TBCD: variants seen among roughly 807,000 people sequenced by gnomAD.
TBCD encodes tubulin-specific chaperone D.
TBCD carries 105 observed loss-of-function variants against 169.3 expected under a neutral mutation model. The ratio of observed to expected loss-of-function variants is 0.62; its 90% CI spans 0.53 to 0.73. The LOEUF (loss-of-function observed/expected upper bound fraction) is 0.73. TBCD is among the 30% of genes least tolerant of loss of function. The pLI, the probability that TBCD is intolerant of heterozygous loss-of-function variation, is 0.00. For missense variants in TBCD, 1,444 were observed against 1,600.1 expected (o/e 0.90, Z 1.66); for synonymous variants, 700 against 643.9 (o/e 1.09, Z -1.32).
In TBCD at chr17:82,923,326, G is replaced by T. The variant is rs1871397111; in HGVS notation, c.2179-326G>T. ...CTGACAGATGATGGTGAGCAGGCGTGCTGGAAAGGAGTAGCATGACTTAGG... is the reference window on the plus strand; with the variant it reads ...CTGACAGATGATGGTGAGCAGGCGTTCTGGAAAGGAGTAGCATGACTTAGG... On this transcript the variant is annotated intron_variant, in intron 25 of 38. Coordinates refer to ENST00000355528, the MANE Select transcript of TBCD (RefSeq NM_005993.5). This position sits in a 1 kb window ranked among gnomAD's most constrained non-coding sequence, Gnocchi z 4.6. Among the ~76,000 whole-genome samples, 1 of 152,250 alleles carries T rather than the reference G, an allele frequency of 6.6e-6. No individual in the cohort carries two copies.
intron 38 of TBCD, 59 bp from the exon 39 acceptor site, chr17:82,942,390 G>T: frequency 6.2e-7 from 1 of 1,612,294 alleles, no homozygotes; most frequent in Non-Finnish European, 8.5e-7. Context: ...AGGGTCCCCT[G>T]GCTGGGAATG....
At chr17:82,928,192 ATCC>A (rs978170026) in intron 30 of TBCD, among the ~76,000 whole-genome samples, 1 of 152,074 alleles carries the variant, frequency 6.6e-6, no homozygotes, top group Non-Finnish European at 1.5e-5. Context: ...GCTGGGGCCC[ATCC>A]TCCTCTGCCC....
Position 82,807,054 on chromosome 17 carries a change from T to C in TBCD, c.1088-554T>C, listed in dbSNP as rs544826530. The stretch of plus-strand genomic sequence containing the variant: ...CCTCCCCTGTGGTCACTCAGCGAGC[T>C]TGTCCATCAGGGTCTTCCCAGGGCT... On this transcript the variant is annotated intron_variant, in intron 10 of 38. Transcript: ENST00000355528. Among the ~76,000 whole-genome samples, 5 of 152,334 alleles carry C rather than the reference T, an allele frequency of 3.3e-5. No homozygotes were observed. In the South Asian group the frequency reaches 1.0e-3, roughly 32 times the overall value.
At chr17:82,942,256 C>A in intron 38 of TBCD, 193 bp from the exon 39 acceptor site, 1 of 681,880 alleles carries the variant, frequency 1.5e-6, no homozygotes, top group Non-Finnish European at 2.5e-6. Context: ...GGGTGCCCTT[C>A]CGAGGACACG....
chr17:82,859,485 T>G, intron 13 of TBCD: 1 of 932,146 alleles, frequency 1.1e-6, no homozygotes, highest in Non-Finnish European at 1.3e-6. Context: ...CTCCCTACAC[T>G]CACACACTGG....
chr17:82,856,963 G>C (rs1474961250), intron 13 of TBCD, among the ~76,000 whole-genome samples: 1 of 146,102 alleles, frequency 6.8e-6, no homozygotes, highest in Non-Finnish European at 1.5e-5. Context: ...ACCGCGTGCG[G>C]ACCCTCGGTG....
chr17:82,822,878 A>G (rs1474799214), intron 13 of TBCD, among the ~76,000 whole-genome samples: 2 of 152,096 alleles, frequency 1.3e-5, no homozygotes, highest in Non-Finnish European at 2.9e-5. Context: ...CACAGGAGGG[A>G]GTGAGAGATG....
Position 82,929,345 on chromosome 17 carries a change from C to G in TBCD, c.2853-17C>G, listed in dbSNP as rs189923496. The stretch of plus-strand genomic sequence containing the variant: ...GATCATTGGCAGCCCGGCCTTGTCT[C>G]ACTCACTCTCTTGCAGGTCCGATGT... On this transcript the variant is annotated splice_polypyrimidine_tract_variant and intron_variant, in intron 31 of 38. Transcript: ENST00000355528. 1.2e-6 allele frequency: 2 copies of G among 1,611,036 alleles called. No homozygotes were observed. The highest frequency in any genetic ancestry group is 1.7e-5 in the Admixed American group (1 of 59,982).
Position 82,797,737 on chromosome 17 carries a change from ATC to A in TBCD, c.772-18_772-17del. 1.6e-6 allele frequency: 2 copies of A among 1,262,378 alleles called. No individual in the cohort carries two copies. The highest frequency in any genetic ancestry group is 1.3e-5 in the South Asian group (1 of 75,008). The allele number at this position is 1,262,378 out of a possible 1,614,324, so 78.2% of individuals were successfully genotyped here. Reference sequence around the variant, plus strand: ...TCTATTTGTATTTGTAACATTAAAAATCTTTTTTTTTTTTTTTAGGCACAAAT... The same window carrying A: ...TCTATTTGTATTTGTAACATTAAAAATTTTTTTTTTTTTTTAGGCACAAAT... On this transcript the variant is annotated intron_variant, in intron 7 of 38. Coordinates refer to ENST00000355528, the MANE Select transcript of TBCD (RefSeq NM_005993.5).
intron 1 of TBCD, among the ~76,000 whole-genome samples, chr17:82,752,901 A>G (rs2047190231): frequency 6.6e-6 from 1 of 152,328 alleles, no homozygotes; most frequent in Non-Finnish European, 1.5e-5. Context: ...TGGGGAGGGC[A>G]GCAGCCTGTC....
intron 14 of TBCD, among the ~76,000 whole-genome samples, chr17:82,873,289 C>T (rs896060603): frequency 1.3e-5 from 2 of 152,178 alleles, no homozygotes; most frequent in Non-Finnish European, 2.9e-5. Flanking sequence ...GGTCCAGTGT[C>T]ACAGGAGGAG....
At chr17:82,821,074 G>A (rs2052378235) in intron 13 of TBCD, among the ~76,000 whole-genome samples, 1 of 152,076 alleles carries the variant, frequency 6.6e-6, no homozygotes, top group Admixed American at 6.5e-5. Flanking sequence ...TCCCGCCTCA[G>A]CCTCCTGAGT....
chr17:82,786,459 G>A (rs1598486270), intron 7 of TBCD, among the ~76,000 whole-genome samples: 1 of 152,136 alleles, frequency 6.6e-6, no homozygotes, highest in South Asian at 2.1e-4. Context: ...ATCTCTGTCC[G>A]GTCTCTTAAC....
chr17:82,865,313 C>T (rs571875388), intron 13 of TBCD, among the ~76,000 whole-genome samples: 56 of 152,306 alleles, frequency 3.7e-4, no homozygotes, highest in African/African-American at 1.2e-3. Flanking sequence ...GACGGCCACG[C>T]GGCTCTCGGG....
At chr17:82,778,689 T>G (rs2048751384) in intron 6 of TBCD, among the ~76,000 whole-genome samples, 1 of 151,524 alleles carries the variant, frequency 6.6e-6, no homozygotes, top group Admixed American at 6.6e-5. Context: ...TGGAGTGCAG[T>G]GGCGTGATTT....
At chr17:82,905,892 C>T (rs764155124) in intron 19 of TBCD, 44 bp from the exon 20 acceptor site, 3 of 1,501,968 alleles carry the variant, frequency 2.0e-6, no homozygotes, top group Non-Finnish European at 2.7e-6. Context: ...AGGCCGTCCA[C>T]ATGTACACAC....
intron 36 of TBCD, 34 bp downstream of exon 36, chr17:82,938,170 G>T (rs563319613): frequency 1.3e-6 from 2 of 1,592,996 alleles, no homozygotes; most frequent in Admixed American, 1.7e-5. Flanking sequence ...TGTGTTTGCC[G>T]TGTGGACACA....
In TBCD at chr17:82,945,427, G is replaced by C. The variant is rs1055016001; in HGVS notation, c.*2964G>C. 1 of 152,218 alleles carries C rather than the reference G, an allele frequency of 6.6e-6. No individual in the cohort carries two copies. The highest frequency in any genetic ancestry group is 1.5e-5 in the Non-Finnish European group (1 of 68,042). The allele number at this position is 152,218 out of a possible 1,614,324, so 9.4% of individuals were successfully genotyped here. A position where few individuals can be genotyped will look rare whatever the true frequency, so the allele number is the denominator to read the frequency against. ...CCTGCCACAGTGAAACTGCAGAACT[G>C]TAAGAAGGACAGAGTGATATAAACG... On this transcript the variant is annotated 3_prime_UTR_variant, in exon 39 of 39. Transcript: ENST00000355528.
Position 82,752,154 on chromosome 17 carries a change from C to G in TBCD, c.-40C>G. The G allele has an allele frequency of 6.8e-7, 1 of 1,473,014 alleles. No individual in the cohort carries two copies. Among genetic ancestry groups the G allele is most frequent in the Non-Finnish European group, 9.0e-7 (1 of 1,115,056 alleles). 91.2% of individuals were successfully genotyped at this position (1,473,014 alleles called of 1,614,324 possible). A position where few individuals can be genotyped will look rare whatever the true frequency, so the allele number is the denominator to read the frequency against. Reference sequence around the variant, plus strand: ...TCGCGCTCTAGCGGAGTGGGATCTGCGAACACGTGAGGCGGGGGCGCGGTC... The same window carrying G: ...TCGCGCTCTAGCGGAGTGGGATCTGGGAACACGTGAGGCGGGGGCGCGGTC... On this transcript the variant is annotated 5_prime_UTR_variant, in exon 1 of 39. Coordinates refer to ENST00000355528, the MANE Select transcript of TBCD (RefSeq NM_005993.5).
Sources: gnomAD v4.1 joint callset for allele counts (sites outside exome capture counted in the v4.1 genomes callset) on GRCh38, gnomAD v4.1.1 for gene constraint, Gnocchi (gnomAD v3.1) non-coding constraint, MANE v1.5 for transcripts, NCBI Gene and HGNC (gene_info 2026-07-23, HGNC 2026-07-21) for gene names.